PRRX1: variants seen among roughly 807,000 people sequenced by gnomAD.
The protein encoded by PRRX1 is paired related homeobox 1.
In PRRX1, 8 loss-of-function variants were observed where a neutral mutation model predicts 24.0. The ratio of observed to expected loss-of-function variants is 0.33; its 90% CI spans 0.20 to 0.60. The LOEUF (loss-of-function observed/expected upper bound fraction) is 0.60. PRRX1 is among the 20% of genes least tolerant of loss of function. PRRX1 has a pLI of 0.82. For synonymous variants in PRRX1, 160 were observed against 131.7 expected, an observed-to-expected ratio of 1.22 and a Z score of -1.47; for missense variants, 281 against 322.4, an observed-to-expected ratio of 0.87 and a Z score of 0.98.
chr1:170,702,497 G>GGT (rs1464373607), intron 1 of PRRX1, among the ~76,000 whole-genome samples: 1 of 152,102 alleles, frequency 6.6e-6, no homozygotes, highest in Non-Finnish European at 1.5e-5. Flanking sequence ...CTGTACAATG[G>GGT]GTGTGTGTGC....
At chr1:170,720,969 T>G (rs1472339090) in intron 2 of PRRX1, among the ~76,000 whole-genome samples, 6 of 152,218 alleles carry the variant, frequency 3.9e-5, no homozygotes, top group Non-Finnish European at 7.3e-5. Context: ...TCACACCAAT[T>G]CAGTGATGTG....
At chr1:170,697,679 C>CAT (rs1654215173) in intron 1 of PRRX1, among the ~76,000 whole-genome samples, 1 of 145,932 alleles carries the variant, frequency 6.9e-6, no homozygotes, top group Non-Finnish European at 1.5e-5. Context: ...TTTATATATG[C>CAT]ATATATATAC....
At chr1:170,664,039 T>G, upstream of PRRX1, 2 of 543,752 alleles carry the variant, frequency 3.7e-6, no homozygotes, top group South Asian at 2.4e-5. Context: ...CCCACCCTCT[T>G]TTCCAATTTT....
chr1:170,706,625 T>C (rs1654577692), intron 1 of PRRX1, among the ~76,000 whole-genome samples: 1 of 152,208 alleles, frequency 6.6e-6, no homozygotes, highest in Non-Finnish European at 1.5e-5. Flanking sequence ...TAACATTGAA[T>C]TGCTGAAAAT....
intron 2 of PRRX1, among the ~76,000 whole-genome samples, chr1:170,720,377 A>G (rs1311203044): frequency 6.6e-6 from 1 of 152,236 alleles, no homozygotes; most frequent in African/African-American, 2.4e-5. Flanking sequence ...GCATGAGGAT[A>G]GAATCCTGTT....
chr1:170,729,345 A>G (rs1339316557), intron 3 of PRRX1, among the ~76,000 whole-genome samples: 1 of 152,212 alleles, frequency 6.6e-6, no homozygotes, highest in East Asian at 1.9e-4. Context: ...TGGCTTGGTC[A>G]TACAAGCCAG....
chr1:170,691,617 CA>C (rs1173729185), intron 1 of PRRX1, among the ~76,000 whole-genome samples: 1 of 147,524 alleles, frequency 6.8e-6, no homozygotes, highest in Admixed American at 6.9e-5. Flanking sequence ...GTTTTTATTT[CA>C]GATATATTGT....
intron 1 of PRRX1, among the ~76,000 whole-genome samples, chr1:170,681,152 T>G (rs567756475): frequency 6.6e-6 from 1 of 152,312 alleles, no homozygotes; most frequent in East Asian, 1.9e-4. Flanking sequence ...GGGTAATGTA[T>G]ACTAATTATG....
intron 1 of PRRX1, among the ~76,000 whole-genome samples, chr1:170,665,382 C>T (rs932980905): frequency 1.3e-5 from 2 of 152,218 alleles, no homozygotes; most frequent in African/African-American, 4.8e-5. Context: ...ATTGTATCCC[C>T]ATGCCCCCAA....
At chr1:170,697,456 A>G (rs1227779181) in intron 1 of PRRX1, among the ~76,000 whole-genome samples, 1 of 151,986 alleles carries the variant, frequency 6.6e-6, no homozygotes, top group Non-Finnish European at 1.5e-5. Context: ...AGCTTATCTT[A>G]AAGAATTAGA....
intron 3 of PRRX1, chr1:170,727,209 A>C (rs1228589692): frequency 6.6e-6 from 1 of 152,236 alleles, no homozygotes; most frequent in East Asian, 1.9e-4. Flanking sequence ...AACAAATATC[A>C]GAGTACTATT....
chr1:170,728,362 A>G lies in PRRX1; in HGVS notation c.599+1961A>G, dbSNP rs1047693188. On this transcript the variant is annotated intron_variant, in intron 3 of 3. Coordinates refer to ENST00000239461, the MANE Select transcript of PRRX1 (RefSeq NM_022716.4). ...TTGGAAATATTCTATTTTAATGGAA[A>G]GAATTATGTAGAAATACTGGATACA... 3 of 152,364 alleles carry G rather than the reference A, an allele frequency of 2.0e-5. No individual in the cohort carries two copies. In the East Asian group the frequency reaches 5.8e-4, roughly 29 times the overall value. 9.4% of individuals were successfully genotyped at this position (152,364 alleles called of 1,614,324 possible).
At chr1:170,695,815 T>C (rs746661533) in intron 1 of PRRX1, among the ~76,000 whole-genome samples, 3 of 126,800 alleles carry the variant, frequency 2.4e-5, no homozygotes, top group African/African-American at 9.7e-5. Context: ...CTTTTCTCTT[T>C]TCTCTTCTTT....
rs371029463 is a variant in PRRX1, at chr1:170,736,209, C to T, written c.*23C>T. 262 of 1,613,456 alleles carry T rather than the reference C, an allele frequency of 1.6e-4. No homozygotes were observed. The highest frequency in any genetic ancestry group is 2.1e-4 in the Non-Finnish European group (250 of 1,179,656). On this transcript the variant is annotated 3_prime_UTR_variant, in exon 4 of 4. Transcript: ENST00000239461. ...TGAGGAAAAAAAATAATTAAACAGG[C>T]CTAAGAAGAAATCAAAAACCATAAG...
At chr1:170,701,120 A>G (rs1416884543) in intron 1 of PRRX1, among the ~76,000 whole-genome samples, 1 of 152,174 alleles carries the variant, frequency 6.6e-6, no homozygotes, top group Non-Finnish European at 1.5e-5. Context: ...GTATTTTTCC[A>G]TCAAAATCTA....
rs1655617644 is a variant in PRRX1 at position 170,736,639 on chromosome 1, C to G, written c.*453C>G. 2 of 202,020 alleles carry G rather than the reference C, an allele frequency of 9.9e-6. No homozygotes were observed. Among genetic ancestry groups the G allele is most frequent in the African/African-American group, 2.3e-5 (1 of 42,750 alleles). 12.5% of individuals were successfully genotyped at this position (202,020 alleles called of 1,614,324 possible). A position where few individuals can be genotyped will look rare whatever the true frequency, so the allele number is the denominator to read the frequency against. ...CTTAGTGCCTTACCCTGTCCTCTTCCCAGTTCTCTTTATAGAAGCTCTAGG... is the reference window on the plus strand; with the variant it reads ...CTTAGTGCCTTACCCTGTCCTCTTCGCAGTTCTCTTTATAGAAGCTCTAGG... On this transcript the variant is annotated 3_prime_UTR_variant, in exon 4 of 4. Transcript: ENST00000239461.
intron 1 of PRRX1, among the ~76,000 whole-genome samples, chr1:170,714,131 C>T (rs1273999061): frequency 6.6e-6 from 1 of 152,176 alleles, no homozygotes; most frequent in Non-Finnish European, 1.5e-5. Flanking sequence ...AGATGCTGTC[C>T]TAATTTCAGT....
At chr1:170,729,017 T>C (rs1655344894) in intron 3 of PRRX1, 1 of 152,228 alleles carries the variant, frequency 6.6e-6, no homozygotes, top group Non-Finnish European at 1.5e-5. Flanking sequence ...GGTTAATTCT[T>C]GGAACACTGT....
At chr1:170,731,613 G>C (rs1233381232) in intron 3 of PRRX1, among the ~76,000 whole-genome samples, 1 of 151,652 alleles carries the variant, frequency 6.6e-6, no homozygotes, top group Admixed American at 6.6e-5. Context: ...CTCAATGTTT[G>C]ACAATCATTT....
Sources: gnomAD v4.1 joint callset for allele counts (sites outside exome capture counted in the v4.1 genomes callset) on GRCh38, gnomAD v4.1.1 for gene constraint, MANE v1.5 for transcripts, NCBI Gene and HGNC (gene_info 2026-07-23, HGNC 2026-07-21) for gene names.